SNX29: variants seen among roughly 807,000 people sequenced by gnomAD.
SNX29 encodes the protein sorting nexin-29.
Under a neutral mutation model 102.1 loss-of-function variants are expected in SNX29, and 78 were observed. The ratio of observed to expected loss-of-function variants is 0.76; its 90% CI spans 0.64 to 0.92. The LOEUF (loss-of-function observed/expected upper bound fraction) is 0.92. Ranked by LOEUF, SNX29 falls within the 40% of genes least tolerant of loss-of-function variation. SNX29 has a pLI of 0.00. For synonymous variants in SNX29, 580 were observed against 414.5 expected (o/e 1.40, Z -4.85); for missense variants, 1,280 against 1,061.7 (o/e 1.21, Z -2.86).
At chr16:12,562,795 A>T (rs1459552084) in intron 20 of SNX29, among the ~76,000 whole-genome samples, 1 of 152,130 alleles carries the variant, frequency 6.6e-6, no homozygotes, top group South Asian at 2.1e-4. Context: ...CACCATCAAG[A>T]TGTGGAACAA....
chr16:12,415,234 A>G (rs763000378), intron 18 of SNX29, among the ~76,000 whole-genome samples: 1 of 152,240 alleles, frequency 6.6e-6, no homozygotes, highest in Admixed American at 6.5e-5. Flanking sequence ...CCTTTCTGCA[A>G]GGTATAAGCG....
chr16:12,342,418 A>G (rs2081636380), intron 15 of SNX29, among the ~76,000 whole-genome samples: 1 of 152,040 alleles, frequency 6.6e-6, no homozygotes, highest in Admixed American at 6.5e-5. Flanking sequence ...TGTAGAAACA[A>G]TGGCTGCCCC....
chr16:12,355,844 A>T (rs12935471), intron 15 of SNX29, among the ~76,000 whole-genome samples: 1,064 of 9,700 alleles, frequency 0.11, 105 homozygotes, highest in Middle Eastern at 0.5. Context: ...AGATCTTATT[A>T]AAAAAAAAAA....
chr16:12,558,490 A>C (rs1221233250), intron 20 of SNX29, among the ~76,000 whole-genome samples: 1 of 152,222 alleles, frequency 6.6e-6, no homozygotes, highest in African/African-American at 2.4e-5. Flanking sequence ...AGCACAGTGC[A>C]TCTTTAGTTT....
At chr16:12,254,358 A>G (rs960621916) in intron 14 of SNX29, among the ~76,000 whole-genome samples, 2 of 152,110 alleles carry the variant, frequency 1.3e-5, no homozygotes, top group African/African-American at 4.8e-5. Context: ...AGCAAAAGAG[A>G]TGGAGAAGGA....
chr16:12,287,867 T>G (rs1266387434), intron 15 of SNX29, among the ~76,000 whole-genome samples: 1 of 152,192 alleles, frequency 6.6e-6, no homozygotes, highest in East Asian at 1.9e-4. Flanking sequence ...GAACCTGGGT[T>G]GTTGATCCTA....
intron 15 of SNX29, among the ~76,000 whole-genome samples, chr16:12,311,741 G>T (rs941081318): frequency 6.6e-6 from 1 of 152,246 alleles, no homozygotes; most frequent in Non-Finnish European, 1.5e-5. Flanking sequence ...GCTGCTGGAG[G>T]CAGAGAGCTT....
chr16:12,071,353 G>A (rs1162624973), intron 10 of SNX29, among the ~76,000 whole-genome samples: 2 of 152,274 alleles, frequency 1.3e-5, no homozygotes, highest in East Asian at 1.9e-4. Flanking sequence ...TGTATAAGGT[G>A]TAAGGAAGGG....
At chr16:12,390,197 T>C (rs7193678) in intron 16 of SNX29, among the ~76,000 whole-genome samples, 58,772 of 151,524 alleles carry the variant, frequency 0.39, 12,182 homozygotes, top group East Asian at 0.65. Context: ...TATGTATATG[T>C]GTGCACGCAC....
intron 4 of SNX29, among the ~76,000 whole-genome samples, chr16:12,041,070 G>A (rs2049861083): frequency 6.6e-6 from 1 of 152,130 alleles, no homozygotes. Context: ...GCCTCCCAAA[G>A]TGCTTGGATT....
At chr16:12,356,370 T>G (rs371529455) in intron 16 of SNX29, 91 bp downstream of exon 16, 22 of 1,193,876 alleles carry the variant, frequency 1.8e-5, no homozygotes, top group East Asian at 1.0e-4. Context: ...CAAGCAACCA[T>G]GCATCCACTG....
chr16:12,292,482 A>T (rs537394420), intron 15 of SNX29, among the ~76,000 whole-genome samples: 4 of 152,218 alleles, frequency 2.6e-5, no homozygotes, highest in African/African-American at 9.6e-5. Context: ...TTTGGATAGG[A>T]ATTTCCTCTT....
At chr16:12,250,141 A>G (rs571449261) in intron 14 of SNX29, among the ~76,000 whole-genome samples, 93 of 152,354 alleles carry the variant, frequency 6.1e-4, no homozygotes, top group African/African-American at 2.2e-3. Flanking sequence ...TTGAAGGGTT[A>G]GACAGACTTA....
rs147434075 is a variant in SNX29, at chr16:12,482,356, C to G, written c.2178+4497C>G. On this transcript the variant is annotated intron_variant, in intron 19 of 20. Coordinates refer to ENST00000566228, the MANE Select transcript of SNX29 (RefSeq NM_032167.5). ...CTGCTGTGTCACCCAGACTAGAGTT[C>G]TGTGATGCAATTGTAGCTCACCGCA... Among the ~76,000 whole-genome samples, 56 of 152,142 alleles carry G rather than the reference C, an allele frequency of 3.7e-4. 1 individual carries two copies. In the East Asian group the frequency reaches 0.01, roughly 28 times the overall value.
intron 16 of SNX29, among the ~76,000 whole-genome samples, chr16:12,376,227 C>T (rs1236748735): frequency 2.6e-5 from 4 of 152,098 alleles, no homozygotes; most frequent in Non-Finnish European, 5.9e-5. Context: ...TGAAGACAGC[C>T]CCCACGCCAC....
chr16:12,561,392 C>A (rs1016170219), intron 20 of SNX29, among the ~76,000 whole-genome samples: 1 of 152,170 alleles, frequency 6.6e-6, no homozygotes, highest in Non-Finnish European at 1.5e-5. Flanking sequence ...TGGCCACATC[C>A]CCGCCACACA....
chr16:12,114,035 T>C (rs888389036), intron 11 of SNX29, among the ~76,000 whole-genome samples: 24 of 152,256 alleles, frequency 1.6e-4, no homozygotes, highest in Non-Finnish European at 3.5e-4. Context: ...GTCTGTTACT[T>C]GCCGTGACAT....
At chr16:12,403,915 C>T (rs2084060754) in intron 18 of SNX29, among the ~76,000 whole-genome samples, 1 of 152,106 alleles carries the variant, frequency 6.6e-6, no homozygotes, top group African/African-American at 2.4e-5. Context: ...GCTTGGTGAC[C>T]CTCTCAGGCC....
At chr16:12,144,798 T>C (rs1405347814) in intron 13 of SNX29, among the ~76,000 whole-genome samples, 2 of 152,242 alleles carry the variant, frequency 1.3e-5, no homozygotes, top group Non-Finnish European at 2.9e-5. Context: ...CTCTGCTCGC[T>C]GGAAGCTCCT....
Sources: allele counts gnomAD v4.1 joint callset (sites outside exome capture counted in the v4.1 genomes callset), GRCh38; gene constraint gnomAD v4.1.1; transcripts MANE v1.5; gene names NCBI Gene and HGNC (gene_info 2026-07-23, HGNC 2026-07-21).